ARHGEF11: variants seen among roughly 807,000 people sequenced by gnomAD.
ARHGEF11 encodes the protein Rho guanine exchange factor (GEF) 11.
ARHGEF11 carries 55 observed loss-of-function variants against 193.7 expected under a neutral mutation model. The observed-to-expected ratio is 0.28, with a 90% CI of 0.23 to 0.36. The LOEUF (loss-of-function observed/expected upper bound fraction) is 0.36. Among genes scored for constraint, ARHGEF11 ranks in the 10% least tolerant of loss-of-function variants. The pLI, the probability that ARHGEF11 is intolerant of heterozygous loss-of-function variation, is 1.00. For missense variants in ARHGEF11, 1,723 were observed against 2,005.6 expected, an observed-to-expected ratio of 0.86 and a Z score of 2.69; for synonymous variants, 693 against 768.0, an observed-to-expected ratio of 0.90 and a Z score of 1.62.
At chr1:156,987,419 C>G (rs1332805684) in intron 1 of ARHGEF11, among the ~76,000 whole-genome samples, 1 of 152,050 alleles carries the variant, frequency 6.6e-6, no homozygotes, top group Non-Finnish European at 1.5e-5. Context: ...ATTATTTGGA[C>G]AGTTTAAAAA....
chr1:156,947,360 G>A lies in ARHGEF11; in HGVS notation c.2432C>T (p.Pro811Leu). 6.2e-7 allele frequency: 1 copy of A among 1,614,046 alleles called. No homozygotes were observed. ...GAAGAGCCGGGCCAGCTCCTCCCGG[G>A]GCATCAGGTTCTCCTTCTTCATTCG... ...YQRMKKENLM[P>L]REELARLFPN... The change falls in exon 26 of 41, where the codon CCC (proline) becomes CTC (leucine). Residue 811 changes from proline to leucine, a missense_variant. Physicochemically the swap from Pro to Leu is moderately conservative, Grantham distance 98. Around this residue, in one of 5 missense-constraint regions of ARHGEF11, gnomAD observed 491 missense variants for 654.5 expected, o/e 0.75. Coordinates refer to ENST00000368194, the MANE Select transcript of ARHGEF11 (RefSeq NM_198236.3).
At chr1:157,030,203 T>C (rs1671126454) in intron 1 of ARHGEF11, among the ~76,000 whole-genome samples, 1 of 152,352 alleles carries the variant, frequency 6.6e-6, no homozygotes, top group Non-Finnish European at 1.5e-5. Context: ...AATAAAACTT[T>C]ACCGAGCATC....
intron 6 of ARHGEF11, 100 bp downstream of exon 6, chr1:156,978,104 G>C: frequency 6.6e-7 from 1 of 1,518,874 alleles, no homozygotes; most frequent in Non-Finnish European, 8.9e-7. Flanking sequence ...GCTTGTCTCT[G>C]TTTACCACAG....
chr1:156,973,125 C>T (rs1308443379), intron 7 of ARHGEF11, among the ~76,000 whole-genome samples: 1 of 152,070 alleles, frequency 6.6e-6, no homozygotes, highest in Non-Finnish European at 1.5e-5. Flanking sequence ...GACACAGGGG[C>T]TTGCTATGTT....
chr1:156,989,837 A>G (rs1665464679), intron 1 of ARHGEF11, among the ~76,000 whole-genome samples: 1 of 152,362 alleles, frequency 6.6e-6, no homozygotes, highest in Non-Finnish European at 1.5e-5. Flanking sequence ...AGATTCAGCA[A>G]CTAACATTTG....
intron 18 of ARHGEF11, 49 bp downstream of exon 18, chr1:156,957,743 C>A: frequency 6.3e-7 from 1 of 1,596,764 alleles, no homozygotes; most frequent in South Asian, 1.1e-5. Context: ...AGCTCAACCC[C>A]ACTCCTTCCA....
chr1:156,958,623 C>T (rs1002815172), intron 17 of ARHGEF11, 119 bp downstream of exon 17: 2 of 1,444,692 alleles, frequency 1.4e-6, no homozygotes, highest in Non-Finnish European at 1.9e-6. Flanking sequence ...CCCCATCTTT[C>T]AGGGGCAGGA....
chr1:156,945,312 G>A (rs997296854), intron 29 of ARHGEF11, 115 bp from the exon 30 acceptor site: 22 of 1,218,550 alleles, frequency 1.8e-5, no homozygotes, highest in East Asian at 2.4e-5. Context: ...ACCAGCAGGC[G>A]TGGGTGGAGG....
intron 1 of ARHGEF11, among the ~76,000 whole-genome samples, chr1:157,007,033 G>A (rs1438008158): frequency 6.6e-6 from 1 of 152,152 alleles, no homozygotes. Context: ...GGCGGCAGAG[G>A]TACCAGGACA....
chr1:156,995,550 TTTC>T (rs1252908589), intron 1 of ARHGEF11, among the ~76,000 whole-genome samples: 16 of 151,552 alleles, frequency 1.1e-4, no homozygotes, highest in South Asian at 2.1e-4. Flanking sequence ...TTGGGTGCCT[TTTC>T]TTCTTCTTTT....
At chr1:156,946,915 G>A (rs1658240606) in intron 27 of ARHGEF11, 21 bp downstream of exon 27, 2 of 1,613,844 alleles carry the variant, frequency 1.2e-6, no homozygotes, top group African/African-American at 1.3e-5. Flanking sequence ...CTTGCCAAGA[G>A]GGAGAAGTTT....
intron 37 of ARHGEF11, 179 bp downstream of exon 37, chr1:156,939,369 G>A (rs1460337160): frequency 5.0e-6 from 4 of 804,228 alleles, no homozygotes; most frequent in East Asian, 2.5e-5. Context: ...TCTGAATCTC[G>A]AATGTCCAAC....
chr1:157,010,911 T>G (rs1668466061), intron 1 of ARHGEF11, among the ~76,000 whole-genome samples: 1 of 152,152 alleles, frequency 6.6e-6, no homozygotes, highest in Non-Finnish European at 1.5e-5. Context: ...AGTGGAAGAT[T>G]TAAGATAGTT....
Position 156,945,218 on chromosome 1 carries a change from G to A in ARHGEF11, c.2813-21C>T, listed in dbSNP as rs1468275493. 6 of 1,607,754 alleles carry A rather than the reference G, an allele frequency of 3.7e-6. No individual in the cohort carries two copies. The African/African-American group carries it at 6.7e-5, about 18-fold the overall frequency. ...GCCACCTACCAAAATGGACAGAAGAGATGGTTGGGGCTCCTGCCTGAGAAG... is the reference window on the plus strand; with the variant it reads ...GCCACCTACCAAAATGGACAGAAGAAATGGTTGGGGCTCCTGCCTGAGAAG... On this transcript the variant is annotated intron_variant, in intron 29 of 40. Transcript: ENST00000368194.
chr1:156,981,980 AAAG>A (rs1276173939), intron 3 of ARHGEF11, among the ~76,000 whole-genome samples: 1 of 152,214 alleles, frequency 6.6e-6, no homozygotes, highest in African/African-American at 2.4e-5. Context: ...TCTACTCTAA[AAAG>A]AAAAATTCAG....
chr1:156,954,380 CAAAAAAAAAAAAA>C lies in ARHGEF11; in HGVS notation c.1798+499_1798+511del, dbSNP rs559848711. On this transcript the variant is annotated intron_variant, in intron 21 of 40. Coordinates refer to ENST00000368194, the MANE Select transcript of ARHGEF11 (RefSeq NM_198236.3). ...GGGCCACAGAGTGAAACTGTGTCTC[CAAAAAAAAAAAAA>C]AAAAAAAAAAAAAAAAAAAAAAAAA... is the stretch of plus-strand genomic sequence containing the variant. 7.1e-4 allele frequency among the ~76,000 whole-genome samples: 53 copies of C among 75,158 alleles called. 1 individual carries two copies. The highest frequency in any genetic ancestry group is 1.9e-3 in the African/African-American group (35 of 18,382). 49.3% of individuals were successfully genotyped at this position (75,158 alleles called of 152,430 possible).
intron 21 of ARHGEF11, among the ~76,000 whole-genome samples, chr1:156,951,915 T>G (rs1185217635): frequency 6.6e-6 from 1 of 152,130 alleles, no homozygotes; most frequent in African/African-American, 2.4e-5. Context: ...GTTGATTCTT[T>G]CCTCATGCGC....
chr1:156,945,657 C>T, intron 29 of ARHGEF11: 1 of 236,834 alleles, frequency 4.2e-6, no homozygotes. Flanking sequence ...GGTCCCCTGC[C>T]CCTCTAGTGT....
At chr1:157,037,980 C>A (rs536327843) in intron 1 of ARHGEF11, among the ~76,000 whole-genome samples, 7 of 131,378 alleles carry the variant, frequency 5.3e-5, no homozygotes, top group Non-Finnish European at 9.2e-5. Context: ...TGCAGTGAGC[C>A]GAGATCACGC....
Sources: allele counts gnomAD v4.1 joint callset (sites outside exome capture counted in the v4.1 genomes callset), GRCh38; gene constraint gnomAD v4.1.1; regional missense constraint gnomAD v4.1.1; transcripts MANE v1.5; gene names NCBI Gene and HGNC (gene_info 2026-07-23, HGNC 2026-07-21).